The following CKS1B variants were observed in gnomAD, a reference collection of about 807,000 sequenced individuals.
CKS1B encodes the protein CDC28 protein kinase regulatory subunit 1B.
A neutral mutation model predicts 12.2 loss-of-function variants in CKS1B; 5 were observed. The ratio of observed to expected loss-of-function variants is 0.41; its 90% CI spans 0.21 to 0.86. The LOEUF is 0.86. CKS1B is among the 40% of genes least tolerant of loss of function. The pLI, the probability that CKS1B is intolerant of heterozygous loss-of-function variation, is 0.32. For synonymous variants in CKS1B, 24 were observed against 34.4 expected (o/e 0.70, Z 1.06); for missense variants, 53 against 99.9 (o/e 0.53, Z 2.00).
rs138624043 is a variant in CKS1B at position 154,978,744 on chromosome 1, C to T, written c.207C>T (p.Phe69=). The T allele has an allele frequency of 3.3e-5, 53 of 1,613,568 alleles. No homozygotes were observed. Among genetic ancestry groups the T allele is most frequent in the Non-Finnish European group, 4.3e-5 (51 of 1,179,732 alleles). Residue 69 remains phenylalanine (F), a synonymous_variant, in exon 3 of 3, where the codon TTC becomes TTT. Transcript: ENST00000308987. ...TTTCAGAACCTCACATCTTGCTGTT[C>T]CGGCGCCCACTACCCAAGAAACCAA... The part of the protein sequence containing the change: ...IHEPEPHILL[F]RRPLPKKPKK
intron 2 of CKS1B, chr1:154,978,504 C>A: frequency 1.0e-5 from 6 of 588,874 alleles, no homozygotes; most frequent in Non-Finnish European, 1.8e-5. Flanking sequence ...ATAAGGGACA[C>A]CCTGGGGCTG....
chr1:154,978,089 G>C lies in CKS1B; in HGVS notation c.162G>C (p.Trp54Cys), dbSNP rs1414104069. The change falls in exon 2 of 3, where the codon TGG becomes TGC. Residue 54 changes from tryptophan to cysteine, a missense_variant. By Grantham distance (215) the Trp-to-Cys change is radical. Transcript: ENST00000308987. The stretch of plus-strand genomic sequence containing the variant: ...TTGGCGTTCAGCAGAGTCAGGGATG[G>C]GTCCATTATATGATCCATGAACCAG... ...RNLGVQQSQG[W>C]VHYMIHEPEP... 2 of 1,613,834 alleles carry C rather than the reference G, an allele frequency of 1.2e-6. No homozygotes were observed. The highest frequency in any genetic ancestry group is 1.7e-5 in the Admixed American group (1 of 59,966).
chr1:154,974,751 G>T lies in CKS1B; in HGVS notation c.6G>T (p.Ser2=), dbSNP rs529467841. 1 of 1,604,962 alleles carries T rather than the reference G, an allele frequency of 6.2e-7. No homozygotes were observed. The highest frequency in any genetic ancestry group is 1.3e-5 in the African/African-American group (1 of 74,870). The change falls in exon 1 of 3, where the codon TCG becomes TCT. Residue 2 remains serine, a synonymous_variant. Coordinates refer to ENST00000308987, the MANE Select transcript of CKS1B (RefSeq NM_001826.3). ...GGCTAGCAAACCGAGCGATCATGTCGCACAAACAAATTTACTATTCGGACA... is the reference window on the plus strand; with the variant it reads ...GGCTAGCAAACCGAGCGATCATGTCTCACAAACAAATTTACTATTCGGACA... M[S]HKQIYYSDKY... is the part of the protein sequence containing the mutation.
At chr1:154,977,762 G>GA (rs1657226268) in intron 1 of CKS1B, 2 of 494,798 alleles carry the variant, frequency 4.0e-6, no homozygotes. Flanking sequence ...GAACTTAAGT[G>GA]CTCATTCACT....
intron 1 of CKS1B, chr1:154,975,563 G>A (rs1468228814): frequency 6.4e-6 from 1 of 155,130 alleles, no homozygotes; most frequent in Non-Finnish European, 1.5e-5. Flanking sequence ...CACAAGACTT[G>A]CTAAGGAGAG....
At chr1:154,975,019 TAGAGAGG>T in intron 1 of CKS1B, 2 of 1,303,978 alleles carry the variant, frequency 1.5e-6, no homozygotes, top group Non-Finnish European at 2.2e-6. Flanking sequence ...CGCCTCTCAG[TAGAGAGG>T]AGAGAGGGGT....
intron 1 of CKS1B, chr1:154,975,575 G>C (rs551542978): frequency 6.4e-6 from 1 of 155,094 alleles, no homozygotes; most frequent in South Asian, 1.9e-4. Context: ...TAAGGAGAGG[G>C]AACTGGCGAC....
Position 154,974,713 on chromosome 1 carries a change from G to C in CKS1B, c.-33G>C, listed in dbSNP as rs1305048802. 2 of 1,564,342 alleles carry C rather than the reference G, an allele frequency of 1.3e-6. No homozygotes were observed. The highest frequency in any genetic ancestry group is 4.8e-5 in the East Asian group (2 of 42,054). ...GTTGGGAGTTGCTTGGAGGTTGGCGGCGCGGGGCTGAAGGCTAGCAAACCG... is the reference window on the plus strand; with the variant it reads ...GTTGGGAGTTGCTTGGAGGTTGGCGCCGCGGGGCTGAAGGCTAGCAAACCG... On this transcript the variant is annotated 5_prime_UTR_variant, in exon 1 of 3. Transcript: ENST00000308987.
At chr1:154,975,215 T>C (rs1657129552) in intron 1 of CKS1B, 1 of 568,500 alleles carries the variant, frequency 1.8e-6, no homozygotes, top group Admixed American at 3.1e-5. Context: ...AACAGGAGAG[T>C]AGCGCTGAGA....
Position 154,978,826 on chromosome 1 carries a change from T to G in CKS1B, c.*49T>G. 3.6e-6 allele frequency: 4 copies of G among 1,101,292 alleles called. No homozygotes were observed. The highest frequency in any genetic ancestry group is 5.5e-6 in the Non-Finnish European group (4 of 720,896). The allele number at this position is 1,101,292 out of a possible 1,614,324, so 68.2% of individuals were successfully genotyped here. A position where few individuals can be genotyped will look rare whatever the true frequency, so the allele number is the denominator to read the frequency against. On this transcript the variant is annotated 3_prime_UTR_variant, in exon 3 of 3. Transcript: ENST00000308987. ...TCAAGCTTTACACAGCTGTCCTTAC[T>G]TCCTAACATCTTTCTGATAACATTA...
chr1:154,975,103 G>C (rs1455151962), intron 1 of CKS1B: 8 of 659,262 alleles, frequency 1.2e-5, no homozygotes, highest in Admixed American at 2.5e-5. Context: ...GAACTTTATC[G>C]GGCAAACTTA....
At position 154,975,027 on chromosome 1, in the gene CKS1B, A is replaced by G. The variant is rs112342667; in HGVS notation, c.59+223A>G. ...TTGGAGTCGCCTCTCAGTAGAGAGG[A>G]GAGAGGGGTGGGCGTGGTTAGGGTA... On this transcript the variant is annotated intron_variant, in intron 1 of 2. Transcript: ENST00000308987. 707 of 1,214,470 alleles carry G rather than the reference A, an allele frequency of 5.8e-4. 3 individuals are homozygous for G. The highest frequency in any genetic ancestry group is 1.9e-3 in the Middle Eastern group (7 of 3,694). 75.2% of individuals were successfully genotyped at this position (1,214,470 alleles called of 1,614,324 possible). A position where few individuals can be genotyped will look rare whatever the true frequency, so the allele number is the denominator to read the frequency against.
intron 1 of CKS1B, 149 bp downstream of exon 1, chr1:154,974,953 G>C: frequency 6.2e-7 from 1 of 1,612,462 alleles, no homozygotes. Flanking sequence ...AAGGCGTAAG[G>C]CGCATGCGCG....
intron 1 of CKS1B, among the ~76,000 whole-genome samples, chr1:154,975,958 GA>G (rs368825844): frequency 2.3e-4 from 34 of 145,882 alleles, no homozygotes; most frequent in East Asian, 5.9e-4. Context: ...AGAGGTTCAG[GA>G]AAAAAAAAAA....
At chr1:154,975,493 C>A in intron 1 of CKS1B, 1 of 159,330 alleles carries the variant, frequency 6.3e-6, no homozygotes, top group Non-Finnish European at 1.4e-5. Flanking sequence ...GTGGTACCGA[C>A]AGACACCAGA....
At chr1:154,977,747 G>T in intron 1 of CKS1B, 1 of 462,608 alleles carries the variant, frequency 2.2e-6, no homozygotes, top group East Asian at 3.8e-5. Context: ...GAGAAAATGT[G>T]CCTTGAACTT....
Position 154,979,089 on chromosome 1 carries a change from A to G in CKS1B, c.*312A>G, listed in dbSNP as rs1657258427. The G allele has an allele frequency of 3.3e-6, 1 of 306,810 alleles. No homozygotes were observed. The highest frequency in any genetic ancestry group is 6.1e-6 in the Non-Finnish European group (1 of 163,072). The allele number at this position is 306,810 out of a possible 1,614,324, so 19.0% of individuals were successfully genotyped here. On this transcript the variant is annotated 3_prime_UTR_variant, in exon 3 of 3. Coordinates refer to ENST00000308987, the MANE Select transcript of CKS1B (RefSeq NM_001826.3). ...ATCTGAGTTTGAGACCATGGCTGTT[A>G]CAGGGATCATGTAAACTTGCTGTTT...
rs775041473 is a variant in CKS1B at position 154,974,720 on chromosome 1, G to T, written c.-26G>T. On this transcript the variant is annotated 5_prime_UTR_variant, in exon 1 of 3. Transcript: ENST00000308987. ...GTTGCTTGGAGGTTGGCGGCGCGGGGCTGAAGGCTAGCAAACCGAGCGATC... is the reference window on the plus strand; with the variant it reads ...GTTGCTTGGAGGTTGGCGGCGCGGGTCTGAAGGCTAGCAAACCGAGCGATC... The T allele has an allele frequency of 1.2e-5, 19 of 1,571,444 alleles. No individual in the cohort carries two copies. Among genetic ancestry groups the T allele is most frequent in the East Asian group, 2.3e-5 (1 of 42,570 alleles).
Position 154,978,790 on chromosome 1 carries a change from A to C in CKS1B, c.*13A>C. The C allele has an allele frequency of 6.5e-7, 1 of 1,536,462 alleles. No individual in the cohort carries two copies. Among genetic ancestry groups the C allele is most frequent in the African/African-American group, 1.4e-5 (1 of 73,406 alleles). On this transcript the variant is annotated 3_prime_UTR_variant, in exon 3 of 3. Coordinates refer to ENST00000308987, the MANE Select transcript of CKS1B (RefSeq NM_001826.3). ...ACCAAAGAAATGAAGCTGGCAAGCT[A>C]CTTTTCAGCCTCAAGCTTTACACAG...
Sources: allele counts gnomAD v4.1 joint callset (sites outside exome capture counted in the v4.1 genomes callset), GRCh38; gene constraint gnomAD v4.1.1; transcripts MANE v1.5; gene names NCBI Gene and HGNC (gene_info 2026-07-23, HGNC 2026-07-21).